Variants in TRPS1 observed in about 807,000 individuals in gnomAD.
TRPS1 encodes the protein transcriptional repressor GATA binding 1.
TRPS1 carries 6 observed loss-of-function variants against 101.2 expected under a neutral mutation model. That is an observed-to-expected ratio of 0.06 (90% CI 0.03 to 0.12). The LOEUF (loss-of-function observed/expected upper bound fraction) is 0.12. Among genes scored for constraint, TRPS1 ranks in the 10% least tolerant of loss-of-function variants. The pLI is 1.00. For missense variants in TRPS1, 1,363 were observed against 1,567.0 expected, an observed-to-expected ratio of 0.87 and a Z score of 2.20; for synonymous variants, 578 against 589.8, an observed-to-expected ratio of 0.98 and a Z score of 0.29.
At chr8:115,444,324 A>T (rs1272000536) in intron 5 of TRPS1, among the ~76,000 whole-genome samples, 1 of 152,166 alleles carries the variant, frequency 6.6e-6, no homozygotes, top group Non-Finnish European at 1.5e-5. Context: ...AAGGAATGTG[A>T]TTTCTTACCA....
intron 5 of TRPS1, among the ~76,000 whole-genome samples, chr8:115,563,233 G>A (rs544943610): frequency 7.9e-5 from 12 of 151,876 alleles, no homozygotes; most frequent in Non-Finnish European, 1.8e-4. Context: ...GGCGGGTGAG[G>A]GTGTTCTTAG....
rs1193604975 is a variant in TRPS1, at chr8:115,412,091, G to T, written c.*1932C>A. 2.6e-5 allele frequency: 4 copies of T among 151,750 alleles called. No individual in the cohort carries two copies. The highest frequency in any genetic ancestry group is 2.0e-4 in the Admixed American group (3 of 15,136). 9.4% of individuals were successfully genotyped at this position (151,750 alleles called of 1,614,324 possible). A position where few individuals can be genotyped will look rare whatever the true frequency, so the allele number is the denominator to read the frequency against. ...CACTTATCAAAATAATTTCTGAAAT[G>T]TTTCATATGAAACATAGACAAAGCA... On this transcript the variant is annotated 3_prime_UTR_variant, in exon 7 of 7. Coordinates refer to ENST00000395715, the MANE Select transcript of TRPS1 (RefSeq NM_014112.5).
At chr8:115,443,984 T>C (rs1465721370) in intron 5 of TRPS1, among the ~76,000 whole-genome samples, 1 of 152,160 alleles carries the variant, frequency 6.6e-6, no homozygotes, top group Non-Finnish European at 1.5e-5. Flanking sequence ...AAAATGAAGA[T>C]CTCACCTCTC....
chr8:115,643,356 A>T (rs908046315), intron 1 of TRPS1, among the ~76,000 whole-genome samples: 1 of 152,202 alleles, frequency 6.6e-6, no homozygotes, highest in African/African-American at 2.4e-5. Flanking sequence ...GGAGTCAATC[A>T]TCTCCAACTT....
intron 5 of TRPS1, among the ~76,000 whole-genome samples, chr8:115,466,256 G>C (rs1490584852): frequency 6.6e-6 from 1 of 152,116 alleles, no homozygotes; most frequent in Non-Finnish European, 1.5e-5. Flanking sequence ...CAAAAAACTG[G>C]ATGATAGCAC....
At chr8:115,562,509 GAA>G (rs778929983) in intron 5 of TRPS1, among the ~76,000 whole-genome samples, 15 of 117,086 alleles carry the variant, frequency 1.3e-4, no homozygotes, top group Non-Finnish European at 1.6e-4. Flanking sequence ...TGATTGCCAG[GAA>G]AAAAAAAAAA....
intron 5 of TRPS1, among the ~76,000 whole-genome samples, chr8:115,571,935 G>T (rs563318665): frequency 5.9e-4 from 90 of 151,588 alleles, no homozygotes; most frequent in African/African-American, 2.1e-3. Flanking sequence ...CTGAATAAAC[G>T]CTATTTACAT....
chr8:115,498,308 G>C (rs1200368649), intron 5 of TRPS1, among the ~76,000 whole-genome samples: 1 of 149,934 alleles, frequency 6.7e-6, no homozygotes, highest in African/African-American at 2.5e-5. Flanking sequence ...AGCCTCTAAA[G>C]TCTATGCTGC....
At chr8:115,468,101 G>A (rs1374398718) in intron 5 of TRPS1, among the ~76,000 whole-genome samples, 2 of 152,066 alleles carry the variant, frequency 1.3e-5, no homozygotes, top group Non-Finnish European at 1.5e-5. Context: ...TTCAATTTCC[G>A]AAATACGAAT....
intron 5 of TRPS1, among the ~76,000 whole-genome samples, chr8:115,526,204 G>C (rs1030845863): frequency 6.6e-6 from 1 of 152,120 alleles, no homozygotes; most frequent in African/African-American, 2.4e-5. Flanking sequence ...AGCTACTCGA[G>C]AGACTGAGGC....
At chr8:115,650,298 G>T (rs1053284885) in intron 1 of TRPS1, among the ~76,000 whole-genome samples, 4 of 152,182 alleles carry the variant, frequency 2.6e-5, no homozygotes, top group African/African-American at 9.6e-5. Flanking sequence ...AGAAAAGCAT[G>T]TTGGTATAAT....
At chr8:115,416,031 T>A (rs971967240) in intron 6 of TRPS1, among the ~76,000 whole-genome samples, 1 of 152,080 alleles carries the variant, frequency 6.6e-6, no homozygotes, top group African/African-American at 2.4e-5. Flanking sequence ...TCATTAATAA[T>A]ATTTTATATT....
intron 1 of TRPS1, among the ~76,000 whole-genome samples, chr8:115,625,833 T>C (rs553702566): frequency 6.6e-6 from 1 of 152,022 alleles, no homozygotes; most frequent in African/African-American, 2.4e-5. Flanking sequence ...GACCTCAGTT[T>C]CAAATCTTGT....
intron 4 of TRPS1, among the ~76,000 whole-genome samples, chr8:115,592,948 C>T (rs964624731): frequency 6.6e-6 from 1 of 152,158 alleles, no homozygotes; most frequent in African/African-American, 2.4e-5. Flanking sequence ...CTTAATATAC[C>T]TGTATATATT....
At chr8:115,508,118 T>A (rs1477852904) in intron 5 of TRPS1, among the ~76,000 whole-genome samples, 2 of 152,140 alleles carry the variant, frequency 1.3e-5, no homozygotes, top group Non-Finnish European at 2.9e-5. Flanking sequence ...ATGTGCCCAG[T>A]TCATGTAGAA....
intron 5 of TRPS1, among the ~76,000 whole-genome samples, chr8:115,486,903 G>A (rs765375671): frequency 5.3e-5 from 8 of 152,186 alleles, no homozygotes; most frequent in Non-Finnish European, 1.2e-4. Context: ...CTGTAGGAAA[G>A]GTGATTGATG....
At chr8:115,452,151 C>T (rs971797726) in intron 5 of TRPS1, among the ~76,000 whole-genome samples, 1 of 152,138 alleles carries the variant, frequency 6.6e-6, no homozygotes, top group African/African-American at 2.4e-5. Flanking sequence ...GAATTCTGGA[C>T]TTGTTTTAAA....
At chr8:115,610,277 A>G (rs1035522288) in intron 3 of TRPS1, among the ~76,000 whole-genome samples, 10 of 152,224 alleles carry the variant, frequency 6.6e-5, no homozygotes, top group Non-Finnish European at 1.0e-4. Context: ...TCAAATACTG[A>G]TATTTCGAAT....
At chr8:115,498,425 A>C (rs4027188) in intron 5 of TRPS1, among the ~76,000 whole-genome samples, 7,663 of 77,556 alleles carry the variant, frequency 0.099, 232 homozygotes, top group Non-Finnish European at 0.11. Context: ...CTATATATAT[A>C]TATATATATA....
Sources: allele counts gnomAD v4.1 joint callset (sites outside exome capture counted in the v4.1 genomes callset), GRCh38; gene constraint gnomAD v4.1.1; transcripts MANE v1.5; gene names NCBI Gene and HGNC (gene_info 2026-07-23, HGNC 2026-07-21).